The following MSH4 variants were observed in gnomAD, a reference collection of about 807,000 sequenced individuals.
The protein encoded by MSH4 is mutS homolog 4.
In MSH4, 106 loss-of-function variants were observed where a neutral mutation model predicts 113.7. The ratio of observed to expected loss-of-function variants is 0.93; its 90% CI spans 0.80 to 1.10. The LOEUF is 1.10. MSH4 is among the 50% of genes least tolerant of loss of function. The probability of loss-of-function intolerance (pLI) is 0.00; values close to 1 mark genes in which losing one functional copy is unlikely to be tolerated. For synonymous variants in MSH4, 368 were observed against 380.2 expected (o/e 0.97, Z 0.37); for missense variants, 1,061 against 1,093.7 (o/e 0.97, Z 0.42).
At chr1:75,833,728 C>A (rs575900406) in intron 7 of MSH4, among the ~76,000 whole-genome samples, 11 of 152,264 alleles carry the variant, frequency 7.2e-5, no homozygotes, top group African/African-American at 2.6e-4. Context: ...ACTGGCTAGC[C>A]ATACGTAGAA....
chr1:75,851,749 A>G (rs1358088121), intron 8 of MSH4, among the ~76,000 whole-genome samples: 2 of 152,204 alleles, frequency 1.3e-5, no homozygotes, highest in African/African-American at 2.4e-5. Flanking sequence ...TTTACATATG[A>G]TATAAGAGCC....
At chr1:75,912,652 G>T in intron 19 of MSH4, 44 bp from the exon 20 acceptor site, 2 of 1,176,672 alleles carry the variant, frequency 1.7e-6, no homozygotes, top group Non-Finnish European at 2.2e-6. Context: ...AAAAATTATG[G>T]TATTTGTGTA....
intron 7 of MSH4, among the ~76,000 whole-genome samples, chr1:75,833,890 T>A (rs1219679145): frequency 6.6e-6 from 1 of 152,112 alleles, no homozygotes; most frequent in Admixed American, 6.5e-5. Flanking sequence ...ACTTCATGAC[T>A]AAAACACCAA....
At chr1:75,822,346 G>T in intron 6 of MSH4, 63 bp from the exon 7 acceptor site, 10 of 945,430 alleles carry the variant, frequency 1.1e-5, no homozygotes, top group Admixed American at 2.8e-5. Flanking sequence ...TAATTACAAA[G>T]TGAAATGAAA....
Position 75,806,971 on chromosome 1 carries a change from A to G in MSH4, c.428-10A>G. The G allele has an allele frequency of 3.9e-6, 6 of 1,548,498 alleles. No individual in the cohort carries two copies. The highest frequency in any genetic ancestry group is 5.2e-6 in the Non-Finnish European group (6 of 1,158,830). On this transcript the variant is annotated splice_polypyrimidine_tract_variant and intron_variant, in intron 2 of 19. Transcript: ENST00000263187. Reference sequence around the variant, plus strand: ...ATGTTTATATCTTTTCTTTATTTAAAAATTTACAGCTTCATCCTCATCTGC... The same window carrying G: ...ATGTTTATATCTTTTCTTTATTTAAGAATTTACAGCTTCATCCTCATCTGC...
At chr1:75,908,147 T>G (rs928881881) in intron 19 of MSH4, among the ~76,000 whole-genome samples, 2 of 124,892 alleles carry the variant, frequency 1.6e-5, no homozygotes, top group Middle Eastern at 3.8e-3. Flanking sequence ...AACTTTCATC[T>G]GTTTTTTTTT....
chr1:75,841,841 G>T (rs988669038), intron 7 of MSH4, among the ~76,000 whole-genome samples: 1 of 152,140 alleles, frequency 6.6e-6, no homozygotes, highest in Non-Finnish European at 1.5e-5. Context: ...ATAGTATTGT[G>T]CCATATTGCA....
chr1:75,844,529 G>T (rs763557762), intron 7 of MSH4, among the ~76,000 whole-genome samples: 22 of 151,910 alleles, frequency 1.4e-4, no homozygotes, highest in Non-Finnish European at 2.8e-4. Flanking sequence ...GTCTCACTGT[G>T]TTGCCAAGGC....
At chr1:75,874,478 AT>A (rs747050135) in intron 9 of MSH4, among the ~76,000 whole-genome samples, 16 of 151,996 alleles carry the variant, frequency 1.1e-4, no homozygotes, top group Non-Finnish European at 1.6e-4. Context: ...ATATGTCACT[AT>A]GCCCAGATAA....
chr1:75,799,278 AT>A (rs372684422), intron 1 of MSH4, among the ~76,000 whole-genome samples: 3 of 150,330 alleles, frequency 2.0e-5, no homozygotes, highest in South Asian at 2.1e-4. Flanking sequence ...TGCAGAGTAG[AT>A]TTTTTTTTTG....
intron 4 of MSH4, among the ~76,000 whole-genome samples, chr1:75,811,587 A>G (rs1036717765): frequency 6.6e-6 from 1 of 152,204 alleles, no homozygotes; most frequent in Admixed American, 6.5e-5. Context: ...CCCTGATAAC[A>G]TGTACTGCCT....
intron 17 of MSH4, among the ~76,000 whole-genome samples, chr1:75,893,663 A>T (rs1299501887): frequency 6.6e-6 from 1 of 152,200 alleles, no homozygotes. Context: ...GAGGTACAAA[A>T]TGTGACTATA....
chr1:75,886,636 ATAAT>A (rs1557525172), intron 15 of MSH4, among the ~76,000 whole-genome samples: 1 of 124,052 alleles, frequency 8.1e-6, no homozygotes, highest in African/African-American at 3.1e-5. Context: ...ATATAAATAT[ATAAT>A]TATGTATAAA....
At chr1:75,806,886 T>G in intron 2 of MSH4, 95 bp from the exon 3 acceptor site, 1 of 1,150,576 alleles carries the variant, frequency 8.7e-7, no homozygotes, top group South Asian at 1.7e-5. Context: ...GATTGCATTA[T>G]TTTGTCCTCT....
intron 8 of MSH4, among the ~76,000 whole-genome samples, chr1:75,859,910 A>T (rs1024815157): frequency 6.6e-6 from 1 of 152,016 alleles, no homozygotes; most frequent in Admixed American, 6.6e-5. Flanking sequence ...CTCTTTGTAG[A>T]TCTCTAAGAA....
intron 9 of MSH4, among the ~76,000 whole-genome samples, chr1:75,875,651 G>A (rs564383615): frequency 2.6e-5 from 4 of 152,220 alleles, no homozygotes; most frequent in South Asian, 2.1e-4. Context: ...ACAGCTTACA[G>A]TAACCTCTTA....
rs1448571501 is a variant in MSH4, at chr1:75,816,355, T to C, written c.816-18T>C. 1 of 1,557,862 alleles carries C rather than the reference T, an allele frequency of 6.4e-7. No homozygotes were observed. Among genetic ancestry groups the C allele is most frequent in the Non-Finnish European group, 8.7e-7 (1 of 1,143,808 alleles). ...TATATTAAAGACTTATAGTGATGTA[T>C]TATTGGTCATCTTTTAGGTATTACT... is the stretch of plus-strand genomic sequence containing the variant. On this transcript the variant is annotated intron_variant, in intron 5 of 19. Coordinates refer to ENST00000263187, the MANE Select transcript of MSH4 (RefSeq NM_002440.4).
chr1:75,809,930 C>T (rs955034805), intron 3 of MSH4, among the ~76,000 whole-genome samples: 5 of 151,910 alleles, frequency 3.3e-5, no homozygotes, highest in South Asian at 2.1e-4. Flanking sequence ...AGATTACAGG[C>T]GTGAGCCACC....
intron 6 of MSH4, among the ~76,000 whole-genome samples, chr1:75,820,864 A>G (rs1052108135): frequency 2.6e-5 from 4 of 151,732 alleles, no homozygotes; most frequent in African/African-American, 9.7e-5. Context: ...ACTATCCTAA[A>G]TATATATGCA....
Sources: gnomAD v4.1 joint callset for allele counts (sites outside exome capture counted in the v4.1 genomes callset) on GRCh38, gnomAD v4.1.1 for gene constraint, MANE v1.5 for transcripts, NCBI Gene and HGNC (gene_info 2026-07-23, HGNC 2026-07-21) for gene names.